Variants in STARD13 observed in about 807,000 individuals in gnomAD.
STARD13 encodes the protein StAR related lipid transfer domain containing 13, also known as stAR-related lipid transfer protein 13.
STARD13 carries 62 observed loss-of-function variants against 106.4 expected under a neutral mutation model. That is an observed-to-expected ratio of 0.58 (90% CI 0.48 to 0.72). STARD13 has a LOEUF of 0.72. STARD13 is among the 30% of genes least tolerant of loss of function. The pLI, the probability that STARD13 is intolerant of heterozygous loss-of-function variation, is 0.00. For synonymous variants in STARD13, 565 were observed against 553.0 expected (o/e 1.02, Z -0.31); for missense variants, 1,387 against 1,424.0 (o/e 0.97, Z 0.42).
chr13:33,490,422 C>T, the STARD13 span, among the ~76,000 whole-genome samples: 3 of 152,114 alleles, frequency 2.0e-5, no homozygotes, highest in East Asian at 1.9e-4. Context: ...ACCCCAAATC[C>T]CAAGCTCCAG....
the STARD13 span, chr13:33,439,648 CT>C: frequency 8.7e-7 from 1 of 1,151,808 alleles, no homozygotes; most frequent in Non-Finnish European, 1.2e-6. Context: ...CTCCAAACAA[CT>C]TTTATACATA....
the STARD13 span, among the ~76,000 whole-genome samples, chr13:33,537,532 G>A: frequency 3.3e-5 from 5 of 152,178 alleles, no homozygotes; most frequent in African/African-American, 1.2e-4. Flanking sequence ...CATGCAGAAA[G>A]TGAGGGGTCT....
At chr13:33,545,605 A>C in the STARD13 span, among the ~76,000 whole-genome samples, 25 of 152,172 alleles carry the variant, frequency 1.6e-4, no homozygotes, top group Admixed American at 2.0e-4. Flanking sequence ...GGTGGGGCTT[A>C]ATGGGAGATG....
intron 3 of STARD13, among the ~76,000 whole-genome samples, chr13:33,159,465 C>T (rs1167116379): frequency 1.3e-5 from 2 of 152,154 alleles, no homozygotes; most frequent in Non-Finnish European, 1.5e-5. Flanking sequence ...CAAAGCTTGG[C>T]CCGCTAAGCC....
chr13:33,210,865 C>A (rs1357900728), intron 1 of STARD13, among the ~76,000 whole-genome samples: 1 of 152,148 alleles, frequency 6.6e-6, no homozygotes, highest in Non-Finnish European at 1.5e-5. Flanking sequence ...AAGAGGGCAC[C>A]TCCACATCAG....
chr13:33,380,749 G>A, the STARD13 span, among the ~76,000 whole-genome samples: 5 of 113,838 alleles, frequency 4.4e-5, no homozygotes, highest in Non-Finnish European at 7.1e-5. Flanking sequence ...ACAAGCCAAA[G>A]TGGGGCTCAG....
intron 1 of STARD13, among the ~76,000 whole-genome samples, chr13:33,225,336 TCTC>T (rs780420590): frequency 8.1e-4 from 124 of 152,318 alleles, no homozygotes; most frequent in Middle Eastern, 6.8e-3. Context: ...GTTATTTTCT[TCTC>T]CTCTATTGCT....
intron 1 of STARD13, among the ~76,000 whole-genome samples, chr13:33,312,266 G>A (rs184667305): frequency 4.7e-4 from 71 of 152,284 alleles, no homozygotes; most frequent in Middle Eastern, 6.8e-3. Flanking sequence ...GGGACAAAAC[G>A]TTATGTTCCT....
chr13:33,597,854 CAA>C, the STARD13 span, among the ~76,000 whole-genome samples: 6 of 132,284 alleles, frequency 4.5e-5, no homozygotes, highest in Admixed American at 7.5e-5. Flanking sequence ...AACTCCGTCT[CAA>C]AAAAAAAAAA....
the STARD13 span, among the ~76,000 whole-genome samples, chr13:33,490,538 T>C: frequency 6.6e-6 from 1 of 152,096 alleles, no homozygotes; most frequent in Non-Finnish European, 1.5e-5. Flanking sequence ...GGAGTTTGGC[T>C]GGGGGTGGTG....
the STARD13 span, among the ~76,000 whole-genome samples, chr13:33,514,837 T>C: frequency 6.6e-6 from 1 of 152,032 alleles, no homozygotes; most frequent in Admixed American, 6.6e-5. Context: ...GTTTTAGACA[T>C]ACGTGGACCT....
chr13:33,211,815 G>A (rs536053336), intron 1 of STARD13, among the ~76,000 whole-genome samples: 5 of 132,378 alleles, frequency 3.8e-5, no homozygotes, highest in Admixed American at 7.2e-5. Flanking sequence ...CTGTGTGTGT[G>A]TGTGTGTGTG....
At chr13:33,345,787 T>C (rs1157020379), downstream of STARD13, among the ~76,000 whole-genome samples, 3 of 152,100 alleles carry the variant, frequency 2.0e-5, no homozygotes, top group Non-Finnish European at 2.9e-5. Context: ...TTTCCATTGG[T>C]TTCATTATTT....
chr13:33,489,746 A>T, the STARD13 span, among the ~76,000 whole-genome samples: 1 of 152,210 alleles, frequency 6.6e-6, no homozygotes, highest in Non-Finnish European at 1.5e-5. Flanking sequence ...AAGCTCAAGA[A>T]ACAGCGACGC....
At chr13:33,268,277 C>T (rs193152987) in intron 1 of STARD13, among the ~76,000 whole-genome samples, 5 of 152,294 alleles carry the variant, frequency 3.3e-5, no homozygotes, top group Admixed American at 2.0e-4. Context: ...TCTGAGGATA[C>T]TTTAAACACT....
At chr13:33,299,966 G>A (rs1481934876) in intron 1 of STARD13, among the ~76,000 whole-genome samples, 1 of 152,114 alleles carries the variant, frequency 6.6e-6, no homozygotes, top group Non-Finnish European at 1.5e-5. Flanking sequence ...TAGAACATGA[G>A]GCTTTTAGAT....
chr13:33,306,396 A>G (rs970489958), intron 1 of STARD13, among the ~76,000 whole-genome samples: 1 of 152,166 alleles, frequency 6.6e-6, no homozygotes, highest in African/African-American at 2.4e-5. Context: ...CTAGGCAATA[A>G]CATTCAAGAC....
intron 1 of STARD13, among the ~76,000 whole-genome samples, chr13:33,174,311 A>ATTTTT (rs752740034): frequency 1.3e-5 from 2 of 151,198 alleles, no homozygotes; most frequent in African/African-American, 4.9e-5. Flanking sequence ...ACACTTATGC[A>ATTTTT]TTTTTTTTTC....
the STARD13 span, among the ~76,000 whole-genome samples, chr13:33,401,619 C>T: frequency 6.6e-6 from 1 of 152,184 alleles, no homozygotes; most frequent in Non-Finnish European, 1.5e-5. Context: ...CTTGTCTCTC[C>T]TCACTAGGAA....
Sources: gnomAD v4.1 joint callset for allele counts (sites outside exome capture counted in the v4.1 genomes callset) on GRCh38, gnomAD v4.1.1 for gene constraint, MANE v1.5 for transcripts, NCBI Gene and HGNC (gene_info 2026-07-23, HGNC 2026-07-21) for gene names.